CACNA2D3: variants seen among roughly 807,000 people sequenced by gnomAD.
The protein encoded by CACNA2D3 is voltage-dependent calcium channel subunit alpha-2/delta-3.
Under a neutral mutation model 160.6 loss-of-function variants are expected in CACNA2D3, and 60 were observed. The ratio of observed to expected loss-of-function variants is 0.37; its 90% CI spans 0.30 to 0.46. The LOEUF is 0.46. Ranked by LOEUF, CACNA2D3 falls within the 20% of genes least tolerant of loss-of-function variation. The pLI, the probability that CACNA2D3 is intolerant of heterozygous loss-of-function variation, is 1.00. For missense variants in CACNA2D3, 1,205 were observed against 1,365.0 expected, an observed-to-expected ratio of 0.88 and a Z score of 1.85; for synonymous variants, 558 against 492.9, an observed-to-expected ratio of 1.13 and a Z score of -1.75.
rs548233026 is a variant in CACNA2D3, at chr3:54,252,100, G to GTTTTTTTTT, written c.205-68336_205-68328dup. On this transcript the variant is annotated intron_variant, in intron 2 of 37. Coordinates refer to ENST00000474759, the MANE Select transcript of CACNA2D3 (RefSeq NM_018398.3). ...TCCAATTTCTCTTTTTGCAGAGCTAGTTTTTTTTTTTTTTGTACGATACTC... is the reference window on the plus strand; with the variant it reads ...TCCAATTTCTCTTTTTGCAGAGCTAGTTTTTTTTTTTTTTTTTTTTTTTGTACGATACTC... Among the ~76,000 whole-genome samples the GTTTTTTTTT allele has an allele frequency of 1.6e-3, 194 of 120,952 alleles. 14 individuals carry two copies. Among genetic ancestry groups the GTTTTTTTTT allele is most frequent in the African/African-American group, 4.6e-3 (134 of 29,198 alleles). 79.3% of individuals were successfully genotyped at this position (120,952 alleles called of 152,430 possible).
chr3:54,557,569 A>T (rs908851906), intron 5 of CACNA2D3, among the ~76,000 whole-genome samples: 20 of 152,138 alleles, frequency 1.3e-4, no homozygotes, highest in African/African-American at 4.3e-4. Flanking sequence ...AAGGAAATGG[A>T]ATTTCGCTTC....
chr3:54,822,421 C>T (rs998278629), intron 14 of CACNA2D3, among the ~76,000 whole-genome samples: 1 of 152,204 alleles, frequency 6.6e-6, no homozygotes, highest in Non-Finnish European at 1.5e-5. Flanking sequence ...ATTTTGTTCT[C>T]TGCCATAGTT....
At chr3:54,163,655 G>T (rs971238131) in intron 2 of CACNA2D3, among the ~76,000 whole-genome samples, 1 of 152,218 alleles carries the variant, frequency 6.6e-6, no homozygotes, top group African/African-American at 2.4e-5. Flanking sequence ...CTAACTGCGA[G>T]CCATTGGAGG....
intron 9 of CACNA2D3, among the ~76,000 whole-genome samples, chr3:54,586,901 G>A (rs915548116): frequency 6.6e-6 from 1 of 151,496 alleles, no homozygotes; most frequent in African/African-American, 2.4e-5. Flanking sequence ...AAATTAAACA[G>A]TATACTATTA....
chr3:54,972,120 G>A (rs1032751487), intron 29 of CACNA2D3, among the ~76,000 whole-genome samples: 32 of 152,282 alleles, frequency 2.1e-4, no homozygotes, highest in Non-Finnish European at 4.0e-4. Context: ...TTTCCCCTGG[G>A]CATAGTAAGC....
chr3:54,735,952 A>ATATATCTTTGCATCATTTTTCCATTAT (rs1559563346), intron 11 of CACNA2D3, among the ~76,000 whole-genome samples: 2 of 136,070 alleles, frequency 1.5e-5, no homozygotes, highest in African/African-American at 2.7e-5. Context: ...CACTTTTTGC[A>ATATATCTTTGCATCATTTTTCCATTAT]TATATCTTTG....
chr3:54,232,836 T>C (rs1313980199), intron 2 of CACNA2D3, among the ~76,000 whole-genome samples: 1 of 152,220 alleles, frequency 6.6e-6, no homozygotes, highest in Non-Finnish European at 1.5e-5. Flanking sequence ...TGTGCCCTTA[T>C]TGTTTGCAAA....
intron 3 of CACNA2D3, among the ~76,000 whole-genome samples, chr3:54,362,492 C>T (rs7431094): frequency 0.17 from 26,382 of 152,212 alleles, 2,694 homozygotes; most frequent in Admixed American, 0.27. Flanking sequence ...ATCATATTCA[C>T]GGGCCCTGCC....
intron 2 of CACNA2D3, among the ~76,000 whole-genome samples, chr3:54,244,525 C>G (rs1396459062): frequency 6.6e-6 from 1 of 152,214 alleles, no homozygotes; most frequent in Non-Finnish European, 1.5e-5. Context: ...AGGGTTCCCA[C>G]TGTGGCCTCT....
At chr3:54,566,260 G>T (rs1163856316) in intron 6 of CACNA2D3, among the ~76,000 whole-genome samples, 1 of 152,076 alleles carries the variant, frequency 6.6e-6, no homozygotes, top group Non-Finnish European at 1.5e-5. Context: ...CCACCCCACT[G>T]CCCACCATGT....
In CACNA2D3 at chr3:54,886,935, CTTT is replaced by C. The variant is rs60899252; in HGVS notation, c.2057-1012_2057-1010del. Among the ~76,000 whole-genome samples the C allele has an allele frequency of 6.8e-4, 73 of 107,742 alleles. 1 individual carries two copies. Among genetic ancestry groups the C allele is most frequent in the Non-Finnish European group, 8.3e-4 (48 of 58,004 alleles). 70.7% of individuals were successfully genotyped at this position (107,742 alleles called of 152,430 possible). A position where few individuals can be genotyped will look rare whatever the true frequency, so the allele number is the denominator to read the frequency against. On this transcript the variant is annotated intron_variant, in intron 23 of 37. Coordinates refer to ENST00000474759, the MANE Select transcript of CACNA2D3 (RefSeq NM_018398.3). ...CTAGCTTTCGCTTTTCAGCAAAGCT[CTTT>C]TTTTTTTTTTTGCCCCCAGTCAAGG...
At chr3:54,145,609 C>G (rs1022031023) in intron 2 of CACNA2D3, among the ~76,000 whole-genome samples, 23 of 152,204 alleles carry the variant, frequency 1.5e-4, no homozygotes, top group African/African-American at 5.1e-4. Context: ...CCTGGGGGCT[C>G]TGCGATCTAC....
At chr3:54,323,302 C>G (rs1278134984) in intron 3 of CACNA2D3, among the ~76,000 whole-genome samples, 3 of 152,070 alleles carry the variant, frequency 2.0e-5, no homozygotes, top group Non-Finnish European at 2.9e-5. Flanking sequence ...GAGCAAAGAC[C>G]TCAGGTTCAA....
intron 9 of CACNA2D3, among the ~76,000 whole-genome samples, chr3:54,607,650 A>G (rs1575378217): frequency 6.6e-6 from 1 of 152,222 alleles, no homozygotes; most frequent in Non-Finnish European, 1.5e-5. Context: ...TCTGGAAAAC[A>G]GTTTGGCAAT....
intron 27 of CACNA2D3, chr3:54,924,831 G>T: frequency 6.2e-7 from 1 of 1,614,024 alleles, no homozygotes; most frequent in Non-Finnish European, 8.5e-7. Context: ...TATGTTGTTT[G>T]ATGACAAATC....
chr3:54,721,528 A>T (rs1701168790), intron 11 of CACNA2D3, among the ~76,000 whole-genome samples: 2 of 152,138 alleles, frequency 1.3e-5, no homozygotes, highest in South Asian at 2.1e-4. Context: ...TGGGAAGCCA[A>T]GGCAGGTGGA....
rs146320454 is a variant in CACNA2D3 at position 54,750,855 on chromosome 3, C to T, written c.1168-1744C>T. ...CGCAAACTCGGCTCACTGCAACCTC[C>T]GCCTCCCAGGTTCAAGCAATTCTCC... On this transcript the variant is annotated intron_variant, in intron 11 of 37. Coordinates refer to ENST00000474759, the MANE Select transcript of CACNA2D3 (RefSeq NM_018398.3). Among the ~76,000 whole-genome samples, 878 of 151,892 alleles carry T rather than the reference C, an allele frequency of 5.8e-3. 9 individuals carry two copies. Among genetic ancestry groups the T allele is most frequent in the African/African-American group, 0.02 (836 of 41,396 alleles).
intron 5 of CACNA2D3, among the ~76,000 whole-genome samples, chr3:54,541,140 G>A (rs1332751488): frequency 6.6e-6 from 1 of 151,828 alleles, no homozygotes; most frequent in African/African-American, 2.4e-5. Flanking sequence ...AGCCGGGCGT[G>A]GTGGCGGGCG....
intron 17 of CACNA2D3, among the ~76,000 whole-genome samples, chr3:54,859,968 A>G (rs891453893): frequency 5.9e-5 from 7 of 117,806 alleles, no homozygotes; most frequent in African/African-American, 2.2e-4. Flanking sequence ...TCTGGAAAGT[A>G]GATGCACACA....
Sources: gnomAD v4.1 joint callset for allele counts (sites outside exome capture counted in the v4.1 genomes callset) on GRCh38, gnomAD v4.1.1 for gene constraint, MANE v1.5 for transcripts, NCBI Gene and HGNC (gene_info 2026-07-23, HGNC 2026-07-21) for gene names.